The following CSMD1 variants were observed in gnomAD, a reference collection of about 807,000 sequenced individuals.
CSMD1 encodes the protein CUB and sushi domain-containing protein 1.
In CSMD1, 213 loss-of-function variants were observed where a neutral mutation model predicts 417.5. That is an observed-to-expected ratio of 0.51 (90% CI 0.46 to 0.57). The LOEUF (loss-of-function observed/expected upper bound fraction) is 0.57. Ranked by LOEUF, CSMD1 falls within the 20% of genes least tolerant of loss-of-function variation. CSMD1 has a pLI of 0.00. For synonymous variants in CSMD1, 2,862 were observed against 1,736.8 expected, an observed-to-expected ratio of 1.65 and a Z score of -16.11; for missense variants, 6,923 against 4,529.7, an observed-to-expected ratio of 1.53 and a Z score of -15.17.
At chr8:3,027,376 C>A (rs1444954968) in intron 51 of CSMD1, among the ~76,000 whole-genome samples, 6 of 152,134 alleles carry the variant, frequency 3.9e-5, no homozygotes, top group Non-Finnish European at 8.8e-5. Flanking sequence ...GATAACCATA[C>A]AACATCCTGT....
chr8:3,697,599 G>C (rs561310658), intron 7 of CSMD1, among the ~76,000 whole-genome samples: 1 of 152,222 alleles, frequency 6.6e-6, no homozygotes, highest in Admixed American at 6.5e-5. Flanking sequence ...GAATATAGCA[G>C]TTCCCCCTTC....
At chr8:4,656,230 T>C (rs957538073) in intron 1 of CSMD1, among the ~76,000 whole-genome samples, 1 of 151,890 alleles carries the variant, frequency 6.6e-6, no homozygotes, top group African/African-American at 2.4e-5. Flanking sequence ...TGGAAAAGCC[T>C]TAGGTTAGGA....
At chr8:4,551,898 G>C (rs1195045952) in intron 2 of CSMD1, among the ~76,000 whole-genome samples, 3 of 148,818 alleles carry the variant, frequency 2.0e-5, no homozygotes, top group Admixed American at 6.8e-5. Context: ...ATGTTGCTCA[G>C]GCAGACTCAA....
At chr8:4,641,633 C>G (rs954361235) in intron 1 of CSMD1, among the ~76,000 whole-genome samples, 2 of 152,160 alleles carry the variant, frequency 1.3e-5, no homozygotes, top group Admixed American at 6.5e-5. Flanking sequence ...AAGCCTAGAG[C>G]CGTCCCACCA....
chr8:3,088,767 C>G (rs752442567), intron 48 of CSMD1, among the ~76,000 whole-genome samples: 1 of 142,854 alleles, frequency 7.0e-6, no homozygotes, highest in Non-Finnish European at 1.5e-5. Context: ...TTGAATGAAC[C>G]AAAATACTTA....
At chr8:4,454,561 G>C (rs1172128998) in intron 2 of CSMD1, among the ~76,000 whole-genome samples, 1 of 152,186 alleles carries the variant, frequency 6.6e-6, no homozygotes, top group African/African-American at 2.4e-5. Context: ...CCTTTGCACA[G>C]AGTAGACCCA....
chr8:4,052,267 A>G (rs1189799565), intron 3 of CSMD1, among the ~76,000 whole-genome samples: 1 of 152,204 alleles, frequency 6.6e-6, no homozygotes, highest in Non-Finnish European at 1.5e-5. Flanking sequence ...CAGACAGGGC[A>G]CAGCCTGCCA....
At chr8:4,869,994 C>G (rs1802641700) in intron 1 of CSMD1, among the ~76,000 whole-genome samples, 1 of 152,040 alleles carries the variant, frequency 6.6e-6, no homozygotes, top group South Asian at 2.1e-4. Context: ...GAAAATAATG[C>G]ATAACACATG....
intron 36 of CSMD1, among the ~76,000 whole-genome samples, chr8:3,182,059 T>G (rs1023159880): frequency 6.6e-6 from 1 of 152,220 alleles, no homozygotes; most frequent in African/African-American, 2.4e-5. Context: ...GTCAAAGAAC[T>G]ATCCATTGTG....
At chr8:4,279,433 C>A (rs958265596) in intron 3 of CSMD1, among the ~76,000 whole-genome samples, 1 of 152,274 alleles carries the variant, frequency 6.6e-6, no homozygotes, top group Admixed American at 6.5e-5. Flanking sequence ...CAGTATTGTC[C>A]TTGGATAAGA....
At chr8:4,978,870 G>T (rs560118560) in intron 1 of CSMD1, among the ~76,000 whole-genome samples, 1 of 138,974 alleles carries the variant, frequency 7.2e-6, no homozygotes, top group East Asian at 1.9e-4. Flanking sequence ...CCCAGGAGGC[G>T]GAGGTTGCAG....
intron 3 of CSMD1, among the ~76,000 whole-genome samples, chr8:4,051,580 G>A (rs150220799): frequency 2.6e-5 from 4 of 152,156 alleles, no homozygotes; most frequent in Non-Finnish European, 4.4e-5. Context: ...CTCTGTCAAC[G>A]TCCTCAGAAG....
At chr8:4,360,669 T>C (rs1031301466) in intron 3 of CSMD1, among the ~76,000 whole-genome samples, 1 of 151,966 alleles carries the variant, frequency 6.6e-6, no homozygotes, top group Non-Finnish European at 1.5e-5. Context: ...TTTTTTTTTG[T>C]TTTTTAGTGG....
intron 31 of CSMD1, among the ~76,000 whole-genome samples, chr8:3,203,930 C>G (rs1445577285): frequency 6.6e-6 from 1 of 152,228 alleles, no homozygotes; most frequent in Non-Finnish European, 1.5e-5. Flanking sequence ...GATTGCACAT[C>G]TGCCTCACCC....
chr8:4,083,395 T>C (rs13263459), intron 3 of CSMD1, among the ~76,000 whole-genome samples: 49,749 of 152,044 alleles, frequency 0.33, 8,531 homozygotes, highest in Middle Eastern at 0.41. Flanking sequence ...ATGTGTTTTT[T>C]GGCTGCATAA....
intron 23 of CSMD1, among the ~76,000 whole-genome samples, chr8:3,340,671 G>A (rs1288775251): frequency 6.6e-6 from 1 of 152,072 alleles, no homozygotes; most frequent in African/African-American, 2.4e-5. Context: ...ATGACCTTGG[G>A]GAGCTGGGGA....
intron 1 of CSMD1, among the ~76,000 whole-genome samples, chr8:4,802,917 G>A (rs1049126884): frequency 1.3e-5 from 2 of 152,158 alleles, no homozygotes; most frequent in Non-Finnish European, 2.9e-5. Context: ...TTAACCACTG[G>A]AGAGAGGCAG....
intron 23 of CSMD1, among the ~76,000 whole-genome samples, chr8:3,329,518 C>T (rs1023238404): frequency 2.6e-5 from 4 of 152,182 alleles, no homozygotes; most frequent in South Asian, 4.1e-4. Flanking sequence ...AACATCTTTT[C>T]CCCATGAGAA....
At chr8:3,498,945 G>T (rs575512337) in intron 10 of CSMD1, among the ~76,000 whole-genome samples, 1 of 151,998 alleles carries the variant, frequency 6.6e-6, no homozygotes, top group Non-Finnish European at 1.5e-5. Context: ...TTCTCACGGC[G>T]TATCTTTAAC....
Sources: gnomAD v4.1 joint callset for allele counts (sites outside exome capture counted in the v4.1 genomes callset) on GRCh38, gnomAD v4.1.1 for gene constraint, MANE v1.5 for transcripts, NCBI Gene and HGNC (gene_info 2026-07-23, HGNC 2026-07-21) for gene names.